Variants in ABCA3 observed in about 807,000 individuals in gnomAD.
ABCA3 encodes ATP binding cassette subfamily A member 3.
Under a neutral mutation model 172.8 loss-of-function variants are expected in ABCA3, and 88 were observed. That is an observed-to-expected ratio of 0.51 (90% confidence interval 0.43 to 0.61). The LOEUF (loss-of-function observed/expected upper bound fraction) is 0.61. Among genes scored for constraint, ABCA3 ranks in the 20% least tolerant of loss-of-function variants. The pLI is 0.00. For synonymous variants in ABCA3, 1,066 were observed against 983.8 expected (o/e 1.08, Z -1.56); for missense variants, 2,164 against 2,301.0 (o/e 0.94, Z 1.22).
At chr16:2,322,379 CTTTTT>C (rs869085861) in intron 7 of ABCA3, among the ~76,000 whole-genome samples, 1 of 145,878 alleles carries the variant, frequency 6.9e-6, no homozygotes, top group Non-Finnish European at 1.5e-5. Flanking sequence ...GTATTTCTTT[CTTTTT>C]TTTTTTAATT....
chr16:2,331,929 G>A (rs1337449448), intron 1 of ABCA3, among the ~76,000 whole-genome samples: 2 of 152,158 alleles, frequency 1.3e-5, no homozygotes, highest in African/African-American at 4.8e-5. Context: ...GGAAAGGGAA[G>A]GCAAACCTTT....
chr16:2,317,623 A>G (rs766992619), intron 9 of ABCA3, 25 bp downstream of exon 9: 8 of 1,613,188 alleles, frequency 5.0e-6, no homozygotes, highest in African/African-American at 1.3e-5. Flanking sequence ...CGTCCTCACC[A>G]GAGCCCCACC....
chr16:2,292,354 C>A (rs556964171), intron 18 of ABCA3, 116 bp from the exon 19 acceptor site: 1 of 829,558 alleles, frequency 1.2e-6, no homozygotes, highest in South Asian at 1.4e-5. Flanking sequence ...AACCCCAGCA[C>A]TTTGGGACGC....
chr16:2,285,540 G>A lies in ABCA3; in HGVS notation c.3385C>T (p.His1129Tyr). The change falls in exon 23 of 33, where the codon CAT becomes TAT. Residue 1129 changes from histidine to tyrosine, a missense_variant. Around this residue, in one of 3 missense-constraint regions of ABCA3, gnomAD observed 795 missense variants for 881.9 expected, o/e 0.90. Coordinates refer to ENST00000301732, the MANE Select transcript of ABCA3 (RefSeq NM_001089.3). This position sits in a 1 kb window ranked among gnomAD's most constrained non-coding sequence, Gnocchi z 4.7. ...TGGACTCCACTCACAAACTGCACAT[G>A]CTTGGCCTGCACGGCCCTCTCGCTG... is the stretch of plus-strand genomic sequence containing the variant. Reference protein sequence around the residue: ...AVSERAVQAKHVQFVSGVHVA... With the variant: ...AVSERAVQAKYVQFVSGVHVA... The A allele has an allele frequency of 6.2e-7, 1 of 1,600,920 alleles. No homozygotes were observed. Among genetic ancestry groups the A allele is most frequent in the Non-Finnish European group, 8.5e-7 (1 of 1,173,602 alleles).
At chr16:2,318,294 G>A (rs1004886178) in intron 8 of ABCA3, among the ~76,000 whole-genome samples, 1 of 152,080 alleles carries the variant, frequency 6.6e-6, no homozygotes, top group Non-Finnish European at 1.5e-5. Context: ...GTGATGGGTC[G>A]GCTCTGACCA....
chr16:2,317,845 C>A, intron 8 of ABCA3, 81 bp from the exon 9 acceptor site: 8 of 1,319,632 alleles, frequency 6.1e-6, no homozygotes, highest in East Asian at 2.3e-5. Flanking sequence ...CGGCAGCAGG[C>A]CTGAGTCCGA....
At chr16:2,310,973 T>C (rs2093705757) in intron 10 of ABCA3, among the ~76,000 whole-genome samples, 1 of 151,776 alleles carries the variant, frequency 6.6e-6, no homozygotes, top group Admixed American at 6.6e-5. Context: ...TTTCTTTTCT[T>C]TTCTTTTTTT....
chr16:2,281,478 G>A lies in ABCA3; in HGVS notation c.4067C>T (p.Pro1356Leu), dbSNP rs2093655087. 2 of 1,613,158 alleles carry A rather than the reference G, an allele frequency of 1.2e-6. No individual in the cohort carries two copies. Among genetic ancestry groups the A allele is most frequent in the Non-Finnish European group, 1.7e-6 (2 of 1,179,814 alleles). ...CTCGTCCGCTACATCTTGGTCCTCA[G>A]GAAGCACAGGCATCCGGGTGTATAA... is the stretch of plus-strand genomic sequence containing the variant. Reference protein sequence around the residue: ...TELYTRMPVLPEDQDVADERT... With the variant: ...TELYTRMPVLLEDQDVADERT... Residue 1356 changes from proline (P) to leucine (L), a missense_variant, in exon 27 of 33, where the codon CCT (proline) becomes CTT (leucine). Transcript: ENST00000301732. This position sits in a 1 kb window ranked among gnomAD's most constrained non-coding sequence, Gnocchi z 4.7.
At position 2,317,172 on chromosome 16, in the gene ABCA3, G is replaced by A. The variant is rs2093717246; in HGVS notation, c.1111+111C>T. On this transcript the variant is annotated intron_variant, in intron 10 of 32. Transcript: ENST00000301732. ...ACCTTCCCCTGGTCAGCTCCTCCCTGGGCAGCTCCACCAGGCCACTCTCCC... is the reference window on the plus strand; with the variant it reads ...ACCTTCCCCTGGTCAGCTCCTCCCTAGGCAGCTCCACCAGGCCACTCTCCC... The A allele has an allele frequency of 2.6e-5, 39 of 1,511,200 alleles. No homozygotes were observed. In the South Asian group the frequency reaches 4.3e-4, roughly 17 times the overall value. The allele number at this position is 1,511,200 out of a possible 1,614,324, so 93.6% of individuals were successfully genotyped here. A position where few individuals can be genotyped will look rare whatever the true frequency, so the allele number is the denominator to read the frequency against.
At chr16:2,307,934 G>A (rs1049544465) in intron 11 of ABCA3, among the ~76,000 whole-genome samples, 1 of 152,178 alleles carries the variant, frequency 6.6e-6, no homozygotes, top group African/African-American at 2.4e-5. Context: ...GAATGTCTCA[G>A]GAAGCTGGAA....
intron 10 of ABCA3, among the ~76,000 whole-genome samples, chr16:2,313,022 T>C (rs2093709001): frequency 1.3e-5 from 2 of 151,988 alleles, no homozygotes; most frequent in African/African-American, 4.8e-5. Context: ...GCCACTGCAC[T>C]CCAGCCTGGG....
At chr16:2,291,053 A>T (rs1037545519) in intron 19 of ABCA3, among the ~76,000 whole-genome samples, 22 of 152,236 alleles carry the variant, frequency 1.4e-4, no homozygotes, top group African/African-American at 4.3e-4. Context: ...TAGTTTTAGT[A>T]GAGATGGTGG....
chr16:2,327,318 T>A (rs1208941470), intron 3 of ABCA3, among the ~76,000 whole-genome samples: 3 of 152,078 alleles, frequency 2.0e-5, no homozygotes, highest in Non-Finnish European at 4.4e-5. Flanking sequence ...TCCAGCTTCA[T>A]CCTTGTAGTG....
chr16:2,292,130 ATTTAC>A lies in ABCA3; in HGVS notation c.2513+5_2513+9del. 6.2e-7 allele frequency: 1 copy of A among 1,609,262 alleles called. No homozygotes were observed. Among genetic ancestry groups the A allele is most frequent in the Non-Finnish European group, 8.5e-7 (1 of 1,176,044 alleles). Reference sequence around the variant, plus strand: ...CAGTCCTAGGTGGACGGAAATGCGCATTTACTGACCGAAGGAAGACTTCCTCCATG... The same window carrying A: ...CAGTCCTAGGTGGACGGAAATGCGCATGACCGAAGGAAGACTTCCTCCATG... On this transcript the variant is annotated splice_donor_5th_base_variant and intron_variant, in intron 19 of 32. Coordinates refer to ENST00000301732, the MANE Select transcript of ABCA3 (RefSeq NM_001089.3).
rs74899293 is a variant in ABCA3 at position 2,311,446 on chromosome 16, T to C, written c.1112-2823A>G. Among the ~76,000 whole-genome samples the C allele has an allele frequency of 1.1e-4, 16 of 152,264 alleles. No homozygotes were observed. In the East Asian group the frequency reaches 3.1e-3, roughly 29 times the overall value. On this transcript the variant is annotated intron_variant, in intron 10 of 32. Coordinates refer to ENST00000301732, the MANE Select transcript of ABCA3 (RefSeq NM_001089.3). The stretch of plus-strand genomic sequence containing the variant: ...TGAACAAGCAGTAATTTCGGAAAGG[T>C]TAGTTGCCATGAAGTAACCAACGAA...
chr16:2,320,103 C>T (rs534012577), intron 7 of ABCA3, among the ~76,000 whole-genome samples: 81 of 145,782 alleles, frequency 5.6e-4, no homozygotes, highest in African/African-American at 1.8e-3. Context: ...CACATGATCA[C>T]TTTTTTTTTT....
Position 2,283,606 on chromosome 16 carries a change from G to C in ABCA3, c.3863-248C>G, listed in dbSNP as rs1423611369. The C allele has an allele frequency of 3.9e-6, 2 of 508,598 alleles. No individual in the cohort carries two copies. Among genetic ancestry groups the C allele is most frequent in the East Asian group, 7.2e-5 (2 of 27,862 alleles). 31.5% of individuals were successfully genotyped at this position (508,598 alleles called of 1,614,324 possible). A position where few individuals can be genotyped will look rare whatever the true frequency, so the allele number is the denominator to read the frequency against. The stretch of plus-strand genomic sequence containing the variant: ...GGCAGACCCAGGGCAGCAACAGCCC[G>C]CCTGAGAGGCACAGGCTCTGCGTGA... On this transcript the variant is annotated intron_variant, in intron 25 of 32. Transcript: ENST00000301732. This position sits in a 1 kb window ranked among gnomAD's most constrained non-coding sequence, Gnocchi z 5.4.
In ABCA3 at chr16:2,287,583, CTG is replaced by C. The variant is rs1440577574; in HGVS notation, c.3004+441_3004+442del. Among the ~76,000 whole-genome samples the C allele has an allele frequency of 6.6e-6, 1 of 152,182 alleles. No individual in the cohort carries two copies. Among genetic ancestry groups the C allele is most frequent in the Non-Finnish European group, 1.5e-5 (1 of 68,030 alleles). On this transcript the variant is annotated intron_variant, in intron 21 of 32. Coordinates refer to ENST00000301732, the MANE Select transcript of ABCA3 (RefSeq NM_001089.3). This position sits in a 1 kb window ranked among gnomAD's most constrained non-coding sequence, Gnocchi z 4.1. The stretch of plus-strand genomic sequence containing the variant: ...GTGAGCTACTGTGCCTGGCCAAGAA[CTG>C]TGAGTTTTAAGATGTTGAAAGAAAA...
intron 19 of ABCA3, among the ~76,000 whole-genome samples, chr16:2,291,169 A>T (rs563154366): frequency 2.6e-5 from 4 of 152,108 alleles, no homozygotes; most frequent in Admixed American, 6.6e-5. Flanking sequence ...TCTGTTAAAA[A>T]TACAAAAAAA....
Sources: gnomAD v4.1 joint callset for allele counts (sites outside exome capture counted in the v4.1 genomes callset) on GRCh38, gnomAD v4.1.1 for gene constraint, gnomAD v4.1.1 regional missense constraint, Gnocchi (gnomAD v3.1) non-coding constraint, MANE v1.5 for transcripts, NCBI Gene and HGNC (gene_info 2026-07-23, HGNC 2026-07-21) for gene names.